NXPH2: variants seen among roughly 807,000 people sequenced by gnomAD.
NXPH2 encodes the protein neurexophilin 2, also known as neurexophilin-2.
In NXPH2, 5 loss-of-function variants were observed where a neutral mutation model predicts 19.8. The observed-to-expected ratio is 0.25, with a 90% confidence interval of 0.13 to 0.53. The LOEUF is 0.53. NXPH2 is among the 20% of genes least tolerant of loss of function. The pLI is 0.96. For synonymous variants in NXPH2, 154 were observed against 127.4 expected (o/e 1.21, Z -1.41); for missense variants, 289 against 322.8 (o/e 0.90, Z 0.80).
chr2:138,671,493 T>G lies in NXPH2; in HGVS notation c.224A>C (p.Asp75Ala), dbSNP rs1162848625. ...CCAATCCCAAAAGTTTTCCATGCTG[T>G]CTGCGTACGCCATGGGGCCGGGCTT... ...VPKPGPMAYA[D>A]SMENFWDWLA... The change falls in exon 2 of 2, where the codon GAC (aspartate) becomes GCC (alanine). Residue 75 changes from aspartate to alanine, a missense_variant. Asp to Ala is a moderately radical substitution (Grantham distance 126, BLOSUM62 -2). Coordinates refer to ENST00000272641, the MANE Select transcript of NXPH2 (RefSeq NM_007226.3). 1.1e-5 allele frequency: 17 copies of G among 1,613,880 alleles called. No individual in the cohort carries two copies. Among genetic ancestry groups the G allele is most frequent in the African/African-American group, 1.3e-5 (1 of 74,944 alleles).
chr2:138,707,107 A>AAAAAAAAAAAAAAAAAAC (rs1558918445), intron 1 of NXPH2, among the ~76,000 whole-genome samples: 1 of 146,536 alleles, frequency 6.8e-6, no homozygotes, highest in African/African-American at 2.5e-5. Context: ...AAAAAAAAAA[A>AAAAAAAAAAAAAAAAAAC]AAAAAGAGCA....
At chr2:138,765,070 G>T (rs1320104973) in intron 1 of NXPH2, among the ~76,000 whole-genome samples, 2 of 152,318 alleles carry the variant, frequency 1.3e-5, no homozygotes, top group South Asian at 2.1e-4. Flanking sequence ...GCATAATTAG[G>T]TCTATAACTT....
chr2:138,741,280 G>A (rs1484286834), intron 1 of NXPH2, among the ~76,000 whole-genome samples: 1 of 152,124 alleles, frequency 6.6e-6, no homozygotes, highest in African/African-American at 2.4e-5. Flanking sequence ...CTGGCCAAGC[G>A]ACTGCTGGCA....
chr2:138,777,510 T>C (rs968285409), intron 1 of NXPH2, among the ~76,000 whole-genome samples: 2 of 151,988 alleles, frequency 1.3e-5, no homozygotes, highest in African/African-American at 2.4e-5. Context: ...CCGCTTACTG[T>C]TTTCTTAGAA....
At chr2:138,724,345 T>C (rs1681325354) in intron 1 of NXPH2, among the ~76,000 whole-genome samples, 1 of 152,264 alleles carries the variant, frequency 6.6e-6, no homozygotes, top group South Asian at 2.1e-4. Flanking sequence ...CTCTGTTTTC[T>C]GCCAATCAGT....
chr2:138,673,165 T>G (rs1680437023), intron 1 of NXPH2, among the ~76,000 whole-genome samples: 1 of 152,170 alleles, frequency 6.6e-6, no homozygotes, highest in African/African-American at 2.4e-5. Flanking sequence ...CAGAACAAAT[T>G]GGTATGATGC....
At chr2:138,682,017 A>G (rs1187415098) in intron 1 of NXPH2, among the ~76,000 whole-genome samples, 1 of 152,186 alleles carries the variant, frequency 6.6e-6, no homozygotes, top group Non-Finnish European at 1.5e-5. Context: ...CAATAATAAA[A>G]GGTGGTTCAA....
chr2:138,760,544 C>A (rs180712802), intron 1 of NXPH2, among the ~76,000 whole-genome samples: 1 of 152,284 alleles, frequency 6.6e-6, no homozygotes, highest in East Asian at 1.9e-4. Flanking sequence ...AAAATCATAA[C>A]GTGTGTAGAG....
rs538786579 is a variant in NXPH2 at position 138,734,505 on chromosome 2, G to A, written c.51+45686C>T. ...TAGAAAGGAAGAAATGGTCAAGCCA[G>A]GGAAAGCTTTAAGGAGAAGGGAGTA... On this transcript the variant is annotated intron_variant, in intron 1 of 1. Coordinates refer to ENST00000272641, the MANE Select transcript of NXPH2 (RefSeq NM_007226.3). 3.9e-5 allele frequency among the ~76,000 whole-genome samples: 6 copies of A among 152,316 alleles called. No individual in the cohort carries two copies. The East Asian group carries it at 1.2e-3, about 29-fold the overall frequency.
At chr2:138,767,877 C>T (rs1160288183) in intron 1 of NXPH2, among the ~76,000 whole-genome samples, 1 of 151,994 alleles carries the variant, frequency 6.6e-6, no homozygotes, top group African/African-American at 2.4e-5. Context: ...TCCTCTGTGT[C>T]TCTTCACACT....
In NXPH2 at chr2:138,751,517, T is replaced by A. The variant is rs1573977814; in HGVS notation, c.51+28674A>T. 2.6e-5 allele frequency among the ~76,000 whole-genome samples: 4 copies of A among 152,212 alleles called. No individual in the cohort carries two copies. The South Asian group carries it at 8.3e-4, about 32-fold the overall frequency. Reference sequence around the variant, plus strand: ...ATAAATTTTATTTCCATATTGGCTGTGAAACTATTGTGAACAATTTTTTCC... The same window carrying A: ...ATAAATTTTATTTCCATATTGGCTGAGAAACTATTGTGAACAATTTTTTCC... On this transcript the variant is annotated intron_variant, in intron 1 of 1. Transcript: ENST00000272641.
chr2:138,773,643 C>T (rs1308066110), intron 1 of NXPH2, among the ~76,000 whole-genome samples: 1 of 151,980 alleles, frequency 6.6e-6, no homozygotes, highest in Non-Finnish European at 1.5e-5. Flanking sequence ...AATAAATATA[C>T]CTGCTATATA....
At chr2:138,726,617 T>TG (rs540669968) in intron 1 of NXPH2, among the ~76,000 whole-genome samples, 83 of 151,966 alleles carry the variant, frequency 5.5e-4, no homozygotes, top group Admixed American at 2.0e-3. Flanking sequence ...GATGTGTGTG[T>TG]TTTTTTTAAA....
At chr2:138,757,891 G>A (rs1330039925) in intron 1 of NXPH2, among the ~76,000 whole-genome samples, 2 of 151,566 alleles carry the variant, frequency 1.3e-5, no homozygotes, top group Non-Finnish European at 2.9e-5. Flanking sequence ...TTGCTTGGTT[G>A]AACCCTGACT....
intron 1 of NXPH2, among the ~76,000 whole-genome samples, chr2:138,746,854 A>G: frequency 6.6e-6 from 1 of 152,116 alleles, no homozygotes; most frequent in East Asian, 1.9e-4. Context: ...TCTCAAAGAA[A>G]TTTCCTATAA....
intron 1 of NXPH2, among the ~76,000 whole-genome samples, chr2:138,737,295 T>C (rs1681565220): frequency 6.6e-6 from 1 of 152,134 alleles, no homozygotes; most frequent in African/African-American, 2.4e-5. Flanking sequence ...CTCACAATCA[T>C]GGCAAAAGGC....
At chr2:138,755,307 T>C (rs1394646752) in intron 1 of NXPH2, among the ~76,000 whole-genome samples, 3 of 152,144 alleles carry the variant, frequency 2.0e-5, no homozygotes, top group Non-Finnish European at 4.4e-5. Context: ...AGTTTTGCAT[T>C]TTAAATTTAT....
At chr2:138,672,997 A>G (rs148600469) in intron 1 of NXPH2, among the ~76,000 whole-genome samples, 13 of 152,314 alleles carry the variant, frequency 8.5e-5, no homozygotes, top group South Asian at 4.1e-4. Flanking sequence ...CTAGTCCCCA[A>G]ATCACTTTAA....
At chr2:138,712,239 A>C (rs1157798936) in intron 1 of NXPH2, among the ~76,000 whole-genome samples, 1 of 133,142 alleles carries the variant, frequency 7.5e-6, no homozygotes, top group Non-Finnish European at 1.8e-5. Context: ...TGTGCATTAC[A>C]TGAGTAAAAC....
Sources: gnomAD v4.1 joint callset for allele counts (sites outside exome capture counted in the v4.1 genomes callset) on GRCh38, gnomAD v4.1.1 for gene constraint, MANE v1.5 for transcripts, NCBI Gene and HGNC (gene_info 2026-07-23, HGNC 2026-07-21) for gene names.